DZIP1L: variants seen among roughly 807,000 people sequenced by gnomAD.
DZIP1L encodes the protein DAZ interacting zinc finger protein 1 like, also known as cilium assembly protein DZIP1L.
Under a neutral mutation model 88.7 loss-of-function variants are expected in DZIP1L, and 90 were observed. The observed-to-expected ratio is 1.02, with a 90% CI of 0.86 to 1.21. DZIP1L has a LOEUF of 1.21. Ranked by LOEUF, DZIP1L falls within the 50% of genes most tolerant of loss-of-function variation. The probability of loss-of-function intolerance (pLI) is 0.00; values close to 1 mark genes in which losing one functional copy is unlikely to be tolerated. For missense variants in DZIP1L, 932 were observed against 955.8 expected (o/e 0.98, Z 0.33); for synonymous variants, 363 against 372.1 (o/e 0.98, Z 0.28).
At chr3:138,114,284 A>G (rs1205988335) in intron 1 of DZIP1L, among the ~76,000 whole-genome samples, 7 of 152,212 alleles carry the variant, frequency 4.6e-5, no homozygotes, top group Non-Finnish European at 1.0e-4. Context: ...ACCAAATATC[A>G]GCTCCATGGC....
chr3:138,076,454 T>G (rs1471194093), intron 11 of DZIP1L, among the ~76,000 whole-genome samples: 1 of 152,208 alleles, frequency 6.6e-6, no homozygotes, highest in East Asian at 1.9e-4. Context: ...AAAAGATACT[T>G]ACACATGCAT....
chr3:138,077,532 C>T lies in DZIP1L; in HGVS notation c.1389G>A (p.Leu463=). 6.2e-7 allele frequency: 1 copy of T among 1,614,196 alleles called. No homozygotes were observed. The highest frequency in any genetic ancestry group is 8.5e-7 in the Non-Finnish European group (1 of 1,180,038). The change falls in exon 11 of 16, where the codon CTG becomes CTA. Residue 463 remains leucine (L), a synonymous_variant. Coordinates refer to ENST00000327532, the MANE Select transcript of DZIP1L (RefSeq NM_173543.3). ...KHFRPILEDT[L]EEKLESMGIR... Reference sequence around the variant, plus strand: ...TCCCCATGCTTTCGAGCTTCTCTTCCAGGGTGTCCTCCAGGATTGGTCTGA... The same window carrying T: ...TCCCCATGCTTTCGAGCTTCTCTTCTAGGGTGTCCTCCAGGATTGGTCTGA...
intron 1 of DZIP1L, among the ~76,000 whole-genome samples, chr3:138,107,966 C>G (rs953483595): frequency 2.6e-5 from 4 of 152,148 alleles, no homozygotes; most frequent in African/African-American, 9.7e-5. Flanking sequence ...AAAAAGAAAA[C>G]CAGCCTGACA....
At chr3:138,102,048 T>C (rs2042335264) in intron 2 of DZIP1L, 4 of 1,480,378 alleles carry the variant, frequency 2.7e-6, no homozygotes, top group Non-Finnish European at 1.9e-6. Context: ...AGCCAGCATC[T>C]GCAGCTCCTC....
At chr3:138,079,725 T>C (rs960572865) in intron 10 of DZIP1L, among the ~76,000 whole-genome samples, 8 of 152,176 alleles carry the variant, frequency 5.3e-5, no homozygotes, top group South Asian at 4.1e-4. Context: ...CCTTTTTTTT[T>C]CCAAAGTGCA....
Position 138,086,960 on chromosome 3 carries a change from C to G in DZIP1L, c.1062+1G>C. The G allele has an allele frequency of 6.2e-7, 1 of 1,613,716 alleles. No homozygotes were observed. On this transcript the variant is annotated splice_donor_variant, in intron 7 of 15. Transcript: ENST00000327532. LOFTEE classifies it high-confidence loss of function. Reference sequence around the variant, plus strand: ...CCCCGAGATCACCCAACAAAAGCTACCTCTTTCTTCTCAGCCATGTGCTCT... The same window carrying G: ...CCCCGAGATCACCCAACAAAAGCTAGCTCTTTCTTCTCAGCCATGTGCTCT...
intron 1 of DZIP1L, among the ~76,000 whole-genome samples, chr3:138,111,663 G>A (rs763354992): frequency 2.6e-5 from 4 of 152,140 alleles, no homozygotes; most frequent in Non-Finnish European, 4.4e-5. Context: ...AGAACCCTAA[G>A]GGTCCAATTC....
At chr3:138,072,985 AC>A (rs1161834937) in intron 11 of DZIP1L, among the ~76,000 whole-genome samples, 2 of 152,040 alleles carry the variant, frequency 1.3e-5, no homozygotes, top group African/African-American at 4.8e-5. Context: ...CTGGGAACAC[AC>A]CCTCATCCCC....
At chr3:138,086,342 A>C (rs1461449213) in intron 7 of DZIP1L, among the ~76,000 whole-genome samples, 1 of 151,940 alleles carries the variant, frequency 6.6e-6, no homozygotes, top group Non-Finnish European at 1.5e-5. Flanking sequence ...CCTACACCAG[A>C]GTGAGGAGCT....
intron 1 of DZIP1L, among the ~76,000 whole-genome samples, chr3:138,114,942 C>G (rs1385284956): frequency 6.6e-6 from 1 of 152,246 alleles, no homozygotes; most frequent in Admixed American, 6.5e-5. Flanking sequence ...CCTTTACCTA[C>G]GGCACTCAGA....
Position 138,097,812 on chromosome 3 carries a change from G to A in DZIP1L, c.537C>T (p.Thr179=). The part of the protein sequence containing the change: ...HLCDKTFMNA[T]FLRGHIQRRH... ...TGCGCTGGATGTGGCCCCGGAGAAA[G>A]GTGGCATTCATGAATGTCTTGTCAC... The change falls in exon 3 of 16, where the codon ACC becomes ACT. Residue 179 remains threonine, a synonymous_variant. Coordinates refer to ENST00000327532, the MANE Select transcript of DZIP1L (RefSeq NM_173543.3). The A allele has an allele frequency of 6.2e-7, 1 of 1,613,270 alleles. No homozygotes were observed. The highest frequency in any genetic ancestry group is 8.5e-7 in the Non-Finnish European group (1 of 1,179,698).
At chr3:138,064,165 T>C (rs1942790929) in intron 15 of DZIP1L, among the ~76,000 whole-genome samples, 2 of 152,308 alleles carry the variant, frequency 1.3e-5, no homozygotes, top group South Asian at 2.1e-4. Context: ...TATTCCCATC[T>C]TGTGCTGTTA....
chr3:138,063,126 G>T lies in DZIP1L; in HGVS notation c.2143-149C>A. 1.2e-6 allele frequency: 1 copy of T among 848,564 alleles called. No individual in the cohort carries two copies. The highest frequency in any genetic ancestry group is 1.8e-5 in the South Asian group (1 of 56,264). The allele number at this position is 848,564 out of a possible 1,614,324, so 52.6% of individuals were successfully genotyped here. On this transcript the variant is annotated intron_variant, in intron 15 of 15. Coordinates refer to ENST00000327532, the MANE Select transcript of DZIP1L (RefSeq NM_173543.3). This position sits in a 1 kb window ranked among gnomAD's most constrained non-coding sequence, Gnocchi z 4.1. Reference sequence around the variant, plus strand: ...GCAATAGGGAGATGCTACTCCTCCTGACTTCTCAAGTCTTCCTGCCTTTGA... The same window carrying T: ...GCAATAGGGAGATGCTACTCCTCCTTACTTCTCAAGTCTTCCTGCCTTTGA...
At chr3:138,069,191 G>A in intron 12 of DZIP1L, 1 of 674,586 alleles carries the variant, frequency 1.5e-6, no homozygotes, top group Non-Finnish European at 2.7e-6. Flanking sequence ...TAACAAGGAT[G>A]AAGTCCTTTA....
chr3:138,093,808 T>G (rs1188701124), intron 4 of DZIP1L, among the ~76,000 whole-genome samples: 1 of 152,220 alleles, frequency 6.6e-6, no homozygotes, highest in African/African-American at 2.4e-5. Context: ...GAGAGTTAGG[T>G]CCTTGCTTTG....
chr3:138,072,744 A>G (rs1943237261), intron 11 of DZIP1L, among the ~76,000 whole-genome samples: 1 of 152,066 alleles, frequency 6.6e-6, no homozygotes. Context: ...TTGCTTTCTC[A>G]ATGGGGAGGT....
intron 14 of DZIP1L, among the ~76,000 whole-genome samples, chr3:138,066,104 C>A (rs951432213): frequency 6.6e-6 from 1 of 152,214 alleles, no homozygotes; most frequent in Non-Finnish European, 1.5e-5. Flanking sequence ...CCAAAGGCAG[C>A]CTGCTATAAA....
Position 138,067,308 on chromosome 3 carries a change from T to C in DZIP1L, c.2002+223A>G, listed in dbSNP as rs141321074. ...TTAATGACAAAACAAGGGGTAAAAC[T>C]AAACCTTGCTCAAACTCTAGCTTTC... On this transcript the variant is annotated intron_variant, in intron 14 of 15. Coordinates refer to ENST00000327532, the MANE Select transcript of DZIP1L (RefSeq NM_173543.3). Among the ~76,000 whole-genome samples, 88 of 152,348 alleles carry C rather than the reference T, an allele frequency of 5.8e-4. No homozygotes were observed. In the East Asian group the frequency reaches 0.016, roughly 28 times the overall value.
intron 11 of DZIP1L, among the ~76,000 whole-genome samples, chr3:138,076,846 T>C (rs1292457145): frequency 6.6e-6 from 1 of 151,846 alleles, no homozygotes; most frequent in East Asian, 1.9e-4. Flanking sequence ...ATCTCAGAAA[T>C]CACCACCAAA....
Sources: gnomAD v4.1 joint callset for allele counts (sites outside exome capture counted in the v4.1 genomes callset) on GRCh38, gnomAD v4.1.1 for gene constraint, Gnocchi (gnomAD v3.1) non-coding constraint, MANE v1.5 for transcripts, NCBI Gene and HGNC (gene_info 2026-07-23, HGNC 2026-07-21) for gene names.